The following ITPR2 variants were observed in gnomAD, a reference collection of about 807,000 sequenced individuals.
ITPR2 encodes the protein inositol 1,4,5-trisphosphate-gated calcium channel ITPR2.
A neutral mutation model predicts 317.1 loss-of-function variants in ITPR2; 207 were observed. The observed-to-expected ratio is 0.65, with a 90% CI of 0.58 to 0.73. The LOEUF (loss-of-function observed/expected upper bound fraction) is 0.73. ITPR2 is among the 30% of genes least tolerant of loss of function. ITPR2 has a pLI of 0.00. For missense variants in ITPR2, 2,613 were observed against 3,284.0 expected, an observed-to-expected ratio of 0.80 and a Z score of 4.99; for synonymous variants, 1,156 against 1,149.1, an observed-to-expected ratio of 1.01 and a Z score of -0.12.
At chr12:26,666,348 C>A (rs1328604353) in intron 13 of ITPR2, among the ~76,000 whole-genome samples, 1 of 152,166 alleles carries the variant, frequency 6.6e-6, no homozygotes, top group Non-Finnish European at 1.5e-5. Flanking sequence ...CCTTCTCCAG[C>A]ATCTCCAATC....
At chr12:26,669,335 A>G (rs1467419762) in intron 13 of ITPR2, among the ~76,000 whole-genome samples, 1 of 152,116 alleles carries the variant, frequency 6.6e-6, no homozygotes, top group African/African-American at 2.4e-5. Flanking sequence ...ATATCTCATA[A>G]AAGTTCCAAA....
chr12:26,721,269 C>A, intron 5 of ITPR2: 1 of 548,818 alleles, frequency 1.8e-6, no homozygotes. Context: ...GCATGCCATG[C>A]TTCTACCAAA....
At chr12:26,686,115 A>G (rs920613665) in intron 11 of ITPR2, among the ~76,000 whole-genome samples, 1 of 152,224 alleles carries the variant, frequency 6.6e-6, no homozygotes, top group Non-Finnish European at 1.5e-5. Context: ...CTGATTGACT[A>G]CATAAATGAA....
At chr12:26,741,117 A>G (rs951696855) in intron 2 of ITPR2, among the ~76,000 whole-genome samples, 7 of 152,356 alleles carry the variant, frequency 4.6e-5, no homozygotes, top group African/African-American at 1.7e-4. Flanking sequence ...TCCATTAAAC[A>G]TGTGAGACAG....
chr12:26,710,771 GAA>G (rs1948630816), intron 9 of ITPR2, among the ~76,000 whole-genome samples: 2 of 152,288 alleles, frequency 1.3e-5, no homozygotes, highest in Non-Finnish European at 2.9e-5. Flanking sequence ...CACCCACAGT[GAA>G]AGAGGCCACT....
rs531961229 is a variant in ITPR2, at chr12:26,371,183, A to C, written c.7857+16251T>G. 3.2e-4 allele frequency among the ~76,000 whole-genome samples: 48 copies of C among 152,328 alleles called. No homozygotes were observed. In the South Asian group the frequency reaches 9.5e-3, roughly 30 times the overall value. ...GAGGATAAAAACTGATATTTCAGTC[A>C]TTAAAAGTATTCTTCAAGTCACCCA... On this transcript the variant is annotated intron_variant, in intron 55 of 56. Transcript: ENST00000381340.
intron 45 of ITPR2, among the ~76,000 whole-genome samples, chr12:26,454,711 A>G (rs928308907): frequency 2.0e-5 from 3 of 150,512 alleles, no homozygotes; most frequent in Admixed American, 2.0e-4. Context: ...AAACTTAGAG[A>G]GCTCTTGTTC....
In ITPR2 at chr12:26,719,805, A is replaced by T. The variant is rs957277509; in HGVS notation, c.525+2592T>A. Among the ~76,000 whole-genome samples the T allele has an allele frequency of 7.2e-5, 11 of 152,102 alleles. No individual in the cohort carries two copies. In the East Asian group the frequency reaches 2.1e-3, roughly 29 times the overall value. Reference sequence around the variant, plus strand: ...TGGGCACACACTTTTTCTAAAACGCAAAGTCTACTTGCTGTTTGAAGAGTT... The same window carrying T: ...TGGGCACACACTTTTTCTAAAACGCTAAGTCTACTTGCTGTTTGAAGAGTT... On this transcript the variant is annotated intron_variant, in intron 5 of 56. Transcript: ENST00000381340.
intron 9 of ITPR2, among the ~76,000 whole-genome samples, chr12:26,707,400 C>G (rs1401494518): frequency 6.6e-6 from 1 of 152,164 alleles, no homozygotes; most frequent in Admixed American, 6.5e-5. Flanking sequence ...CATGGAGCCT[C>G]TATCGCCTAA....
At chr12:26,401,274 C>T (rs892509746) in intron 52 of ITPR2, among the ~76,000 whole-genome samples, 13 of 151,830 alleles carry the variant, frequency 8.6e-5, no homozygotes, top group Non-Finnish European at 1.5e-4. Context: ...TTATACTTTG[C>T]ACAGAGATTG....
chr12:26,540,151 CTTACA>C (rs1944218554), intron 37 of ITPR2, among the ~76,000 whole-genome samples: 1 of 152,164 alleles, frequency 6.6e-6, no homozygotes, highest in Non-Finnish European at 1.5e-5. Flanking sequence ...ATTCTTTCCC[CTTACA>C]TTATGCATCA....
chr12:26,768,040 A>C (rs1257580073), intron 2 of ITPR2, among the ~76,000 whole-genome samples: 1 of 152,130 alleles, frequency 6.6e-6, no homozygotes, highest in Non-Finnish European at 1.5e-5. Context: ...ACTTTCCCTG[A>C]CCATGATTCT....
chr12:26,399,882 T>C (rs181058514), intron 53 of ITPR2, among the ~76,000 whole-genome samples: 1 of 152,374 alleles, frequency 6.6e-6, no homozygotes, highest in Non-Finnish European at 1.5e-5. Context: ...CATGATTTCA[T>C]TGCTGTAATA....
At position 26,602,449 on chromosome 12, in the gene ITPR2, C is replaced by A. The variant is rs573748699; in HGVS notation, c.3599G>T (p.Arg1200Leu). 6 of 1,613,496 alleles carry A rather than the reference C, an allele frequency of 3.7e-6. No homozygotes were observed. In the South Asian group the frequency reaches 6.6e-5, roughly 18 times the overall value. Residue 1200 changes from arginine (R) to leucine (L), a missense_variant, in exon 28 of 57, where the codon CGG (arginine) becomes CTG (leucine). Physicochemically the swap from Arg to Leu is moderately radical, Grantham distance 102 (BLOSUM62 -2). Coordinates refer to ENST00000381340, the MANE Select transcript of ITPR2 (RefSeq NM_002223.4). The stretch of plus-strand genomic sequence containing the variant: ...TTTCAGTAATCGTTGATGTTGATTC[C>A]GACACTTTTTATTCTGCACACAGAG... ...SKLCVQNKKC[R>L]NQHQRLLKNM...
At chr12:26,751,484 C>T (rs765533309) in intron 2 of ITPR2, among the ~76,000 whole-genome samples, 1 of 152,144 alleles carries the variant, frequency 6.6e-6, no homozygotes, top group Non-Finnish European at 1.5e-5. Context: ...GAGATCAATT[C>T]ATATTCTTTT....
chr12:26,508,053 A>G (rs1252188524), intron 37 of ITPR2, among the ~76,000 whole-genome samples: 1 of 152,176 alleles, frequency 6.6e-6, no homozygotes, highest in Non-Finnish European at 1.5e-5. Context: ...CCTTCAAAAA[A>G]CACTGAGCAA....
chr12:26,410,270 G>A (rs1340035761), intron 52 of ITPR2, among the ~76,000 whole-genome samples: 5 of 152,150 alleles, frequency 3.3e-5, no homozygotes, highest in African/African-American at 4.8e-5. Flanking sequence ...GAGAGCAGGC[G>A]GCAGGGGAGA....
intron 1 of ITPR2, among the ~76,000 whole-genome samples, chr12:26,805,867 C>T (rs988891600): frequency 6.6e-6 from 1 of 151,730 alleles, no homozygotes; most frequent in Non-Finnish European, 1.5e-5. Flanking sequence ...GCAGGGCCTC[C>T]CAAGTCATAG....
At chr12:26,548,518 T>C (rs1003772679) in intron 37 of ITPR2, among the ~76,000 whole-genome samples, 1 of 152,198 alleles carries the variant, frequency 6.6e-6, no homozygotes, top group Non-Finnish European at 1.5e-5. Flanking sequence ...GCAAGCTGTG[T>C]CATTCATATC....
Sources: gnomAD v4.1 joint callset for allele counts (sites outside exome capture counted in the v4.1 genomes callset) on GRCh38, gnomAD v4.1.1 for gene constraint, MANE v1.5 for transcripts, NCBI Gene and HGNC (gene_info 2026-07-23, HGNC 2026-07-21) for gene names.